SUCO: variants seen among roughly 807,000 people sequenced by gnomAD.
The protein encoded by SUCO is SUN domain containing ossification factor.
SUCO carries 57 observed loss-of-function variants against 148.1 expected under a neutral mutation model. The observed-to-expected ratio is 0.38, with a 90% CI of 0.31 to 0.48. The LOEUF (loss-of-function observed/expected upper bound fraction) is 0.48, where lower values mean the gene tolerates loss of function less well. Ranked by LOEUF, SUCO falls within the 20% of genes least tolerant of loss-of-function variation. SUCO has a pLI of 0.96. For missense variants in SUCO, 1,331 were observed against 1,468.2 expected (o/e 0.91, Z 1.53); for synonymous variants, 470 against 502.7 (o/e 0.93, Z 0.87).
intron 17 of SUCO, 103 bp downstream of exon 17, chr1:172,586,051 G>A (rs1318728595): frequency 4.4e-6 from 3 of 689,244 alleles, no homozygotes; most frequent in African/African-American, 1.8e-5. Flanking sequence ...ATGATTACCT[G>A]TAGAGAGCTC....
intron 20 of SUCO, among the ~76,000 whole-genome samples, chr1:172,600,392 A>G (rs1455070889): frequency 6.6e-6 from 1 of 152,214 alleles, no homozygotes; most frequent in African/African-American, 2.4e-5. Flanking sequence ...TACCTATAAT[A>G]TAGGTATAAA....
intron 1 of SUCO, chr1:172,541,933 G>T: frequency 1.4e-6 from 1 of 737,092 alleles, no homozygotes; most frequent in Non-Finnish European, 1.7e-6. Flanking sequence ...GTTTTAACTT[G>T]GGCAACTAGA....
At chr1:172,553,797 GT>G (rs751243483) in intron 3 of SUCO, among the ~76,000 whole-genome samples, 8 of 151,994 alleles carry the variant, frequency 5.3e-5, no homozygotes, top group Non-Finnish European at 7.4e-5. Flanking sequence ...ATCAAAATAT[GT>G]TTTTTCCCTT....
In SUCO at chr1:172,577,731, T is replaced by C. The variant is rs745758502; in HGVS notation, c.1285-33T>C. On this transcript the variant is annotated intron_variant, in intron 12 of 23. Coordinates refer to ENST00000263688, the MANE Select transcript of SUCO (RefSeq NM_014283.5). Reference sequence around the variant, plus strand: ...TTAGATAATCTTACATGCTCTCTGCTGGCTTCCCATTTTATGTGCTTTTAT... The same window carrying C: ...TTAGATAATCTTACATGCTCTCTGCCGGCTTCCCATTTTATGTGCTTTTAT... 4.4e-6 allele frequency: 7 copies of C among 1,605,268 alleles called. No homozygotes were observed. The South Asian group carries it at 5.6e-5, about 13-fold the overall frequency.
intron 9 of SUCO, among the ~76,000 whole-genome samples, chr1:172,573,670 C>T (rs1350023041): frequency 6.6e-6 from 1 of 151,956 alleles, no homozygotes; most frequent in Non-Finnish European, 1.5e-5. Context: ...GGAGCAAAAT[C>T]AATATTGTTT....
At chr1:172,573,219 ACT>A (rs1347345625) in intron 9 of SUCO, among the ~76,000 whole-genome samples, 1 of 151,706 alleles carries the variant, frequency 6.6e-6, no homozygotes, top group Non-Finnish European at 1.5e-5. Flanking sequence ...TTTCTCTCAA[ACT>A]CTCTTCCCCC....
chr1:172,552,719 A>T, intron 2 of SUCO: 1 of 777,002 alleles, frequency 1.3e-6, no homozygotes, highest in Non-Finnish European at 1.6e-6. Flanking sequence ...CCCCCTTTTG[A>T]TGAAGCATTT....
rs572467250 is a variant in SUCO, at chr1:172,560,365, T to G, written c.732+2571T>G. Reference sequence around the variant, plus strand: ...CTCATAGATCTTTTGAATGTTAATCTCAACCTGTCTGGAGTTGTTCATATA... The same window carrying G: ...CTCATAGATCTTTTGAATGTTAATCGCAACCTGTCTGGAGTTGTTCATATA... On this transcript the variant is annotated intron_variant, in intron 6 of 23. Coordinates refer to ENST00000263688, the MANE Select transcript of SUCO (RefSeq NM_014283.5). 1.7e-4 allele frequency among the ~76,000 whole-genome samples: 26 copies of G among 152,372 alleles called. No individual in the cohort carries two copies. In the South Asian group the frequency reaches 5.4e-3, roughly 32 times the overall value.
chr1:172,543,616 A>G (rs1652650518), intron 1 of SUCO, among the ~76,000 whole-genome samples: 1 of 152,190 alleles, frequency 6.6e-6, no homozygotes, highest in South Asian at 2.1e-4. Flanking sequence ...AGAATTTGAT[A>G]TGTGGAATAT....
intron 1 of SUCO, among the ~76,000 whole-genome samples, chr1:172,544,843 G>T (rs1345887896): frequency 2.0e-5 from 3 of 152,208 alleles, no homozygotes; most frequent in Admixed American, 2.0e-4. Context: ...TTAAGCAGGG[G>T]AATGGTAGTG....
chr1:172,593,725 T>C (rs1420022038), intron 19 of SUCO, among the ~76,000 whole-genome samples: 1 of 152,164 alleles, frequency 6.6e-6, no homozygotes, highest in Non-Finnish European at 1.5e-5. Flanking sequence ...GGGATATTGG[T>C]CTAAAATTCT....
At position 172,566,652 on chromosome 1, in the gene SUCO, C is replaced by T. The variant is rs1230540117; in HGVS notation, c.733-2367C>T. On this transcript the variant is annotated intron_variant, in intron 6 of 23. Coordinates refer to ENST00000263688, the MANE Select transcript of SUCO (RefSeq NM_014283.5). ...AGCAGCTCAGAGGCAGTTCTGCAGT[C>T]ATACCCACTTTTAATTATATGCAAA... 5.3e-5 allele frequency among the ~76,000 whole-genome samples: 8 copies of T among 152,372 alleles called. No homozygotes were observed. In the East Asian group the frequency reaches 1.5e-3, roughly 29 times the overall value.
chr1:172,589,146 G>T lies in SUCO; in HGVS notation c.2045G>T (p.Ser682Ile), dbSNP rs777684516. 2 of 1,613,738 alleles carry T rather than the reference G, an allele frequency of 1.2e-6. No homozygotes were observed. The highest frequency in any genetic ancestry group is 2.7e-5 in the African/African-American group (2 of 74,888). Reference protein sequence around the residue: ...SVDVSVLQPLSGELENTNIER... With the variant: ...SVDVSVLQPLIGELENTNIER... Reference sequence around the variant, plus strand: ...GATGTTTCAGTATTGCAACCTCTGAGTGGAGAATTGGAAAATACGAATATA... The same window carrying T: ...GATGTTTCAGTATTGCAACCTCTGATTGGAGAATTGGAAAATACGAATATA... Residue 682 changes from serine (S) to isoleucine (I), a missense_variant, in exon 18 of 24, where the codon AGT becomes ATT. Ser to Ile is a moderately radical substitution (Grantham distance 142). This residue lies in a region of SUCO where 992 missense variants were observed against 1,093.5 expected (regional missense o/e 0.91). Coordinates refer to ENST00000263688, the MANE Select transcript of SUCO (RefSeq NM_014283.5).
chr1:172,537,046 G>T (rs1479568338), intron 1 of SUCO, among the ~76,000 whole-genome samples: 4 of 152,058 alleles, frequency 2.6e-5, no homozygotes, highest in African/African-American at 9.7e-5. Context: ...TTTGAGGGGG[G>T]CGCATTATTC....
At chr1:172,571,584 G>A (rs1285510101) in intron 9 of SUCO, among the ~76,000 whole-genome samples, 5 of 143,506 alleles carry the variant, frequency 3.5e-5, no homozygotes, top group African/African-American at 1.3e-4. Context: ...GAGCGTCTCT[G>A]CCCGGCCGCC....
intron 1 of SUCO, among the ~76,000 whole-genome samples, chr1:172,541,571 A>G (rs1397436020): frequency 6.6e-6 from 1 of 152,224 alleles, no homozygotes; most frequent in African/African-American, 2.4e-5. Context: ...GAGGAGGTAA[A>G]TGATTTAATT....
intron 1 of SUCO, among the ~76,000 whole-genome samples, chr1:172,544,492 C>G (rs1652717727): frequency 6.6e-6 from 1 of 152,220 alleles, no homozygotes. Flanking sequence ...CCACCAACCC[C>G]AGATTGTGGA....
chr1:172,590,053 C>A, intron 18 of SUCO, 127 bp downstream of exon 18: 2 of 720,944 alleles, frequency 2.8e-6, no homozygotes, highest in Non-Finnish European at 4.0e-6. Context: ...GCAATTTTAG[C>A]AAGAGAGAGA....
At position 172,610,430 on chromosome 1, in the gene SUCO, T is replaced by C; in HGVS notation, c.*171T>C. On this transcript the variant is annotated 3_prime_UTR_variant, in exon 24 of 24. Transcript: ENST00000263688. ...ATGGGATTGTGTCAATCTTGGTTAA[T>C]GAGCTACAGTTTTACAAAGCTGATC... 1 of 1,022,498 alleles carries C rather than the reference T, an allele frequency of 9.8e-7. No homozygotes were observed. The highest frequency in any genetic ancestry group is 3.5e-5 in the Admixed American group (1 of 28,288). The allele number at this position is 1,022,498 out of a possible 1,614,324, so 63.3% of individuals were successfully genotyped here.
Sources: allele counts gnomAD v4.1 joint callset (sites outside exome capture counted in the v4.1 genomes callset), GRCh38; gene constraint gnomAD v4.1.1; regional missense constraint gnomAD v4.1.1; transcripts MANE v1.5; gene names NCBI Gene and HGNC (gene_info 2026-07-23, HGNC 2026-07-21).